FGFR1OP2: variants seen among roughly 807,000 people sequenced by gnomAD.
FGFR1OP2 encodes the protein FGFR1 oncogene partner 2.
A neutral mutation model predicts 35.2 loss-of-function variants in FGFR1OP2; 17 were observed. That is an observed-to-expected ratio of 0.48 (90% confidence interval 0.33 to 0.73). The LOEUF is 0.73. FGFR1OP2 is among the 30% of genes least tolerant of loss of function. The pLI is 0.02. For synonymous variants in FGFR1OP2, 105 were observed against 104.6 expected, an observed-to-expected ratio of 1.00 and a Z score of -0.03; for missense variants, 251 against 307.3, an observed-to-expected ratio of 0.82 and a Z score of 1.37.
Position 26,966,107 on chromosome 12 carries a change from A to C in FGFR1OP2, c.*1374A>C, listed in dbSNP as rs968211017. The C allele has an allele frequency of 2.6e-5, 4 of 152,042 alleles. No individual in the cohort carries two copies. The East Asian group carries it at 7.7e-4, about 29-fold the overall frequency. The allele number at this position is 152,042 out of a possible 1,614,324, so 9.4% of individuals were successfully genotyped here. A position where few individuals can be genotyped will look rare whatever the true frequency, so the allele number is the denominator to read the frequency against. The stretch of plus-strand genomic sequence containing the variant: ...TTGGTAAAATTCAAAACTACACTTG[A>C]GAATTTTTTTATCTTAAGTTTGGGG... On this transcript the variant is annotated 3_prime_UTR_variant, in exon 7 of 7. Transcript: ENST00000229395.
intron 4 of FGFR1OP2, 96 bp downstream of exon 4, chr12:26,957,839 T>A: frequency 9.8e-7 from 1 of 1,024,212 alleles, no homozygotes; most frequent in South Asian, 2.4e-5. Context: ...AGGTATCTAG[T>A]AATGGCATTT....
chr12:26,944,662 G>T (rs1938793088), intron 1 of FGFR1OP2, among the ~76,000 whole-genome samples: 1 of 152,140 alleles, frequency 6.6e-6, no homozygotes, highest in Non-Finnish European at 1.5e-5. Flanking sequence ...AAGGATATTA[G>T]TCTGTGGTTT....
intron 1 of FGFR1OP2, among the ~76,000 whole-genome samples, chr12:26,939,396 C>G (rs1036063901): frequency 2.6e-5 from 4 of 152,108 alleles, no homozygotes; most frequent in Admixed American, 6.6e-5. Context: ...GCATCAAATC[C>G]TAATTGTTAA....
intron 1 of FGFR1OP2, among the ~76,000 whole-genome samples, chr12:26,952,605 A>G (rs1938950242): frequency 6.6e-6 from 1 of 151,936 alleles, no homozygotes; most frequent in Non-Finnish European, 1.5e-5. Flanking sequence ...GTCTTCTGAA[A>G]TTGCCTGATG....
chr12:26,963,776 G>C (rs1939136466), intron 6 of FGFR1OP2, among the ~76,000 whole-genome samples: 1 of 151,996 alleles, frequency 6.6e-6, no homozygotes, highest in Non-Finnish European at 1.5e-5. Context: ...GTGATACAGG[G>C]AAATTTTTTT....
intron 1 of FGFR1OP2, among the ~76,000 whole-genome samples, chr12:26,953,287 A>C (rs1289266853): frequency 1.4e-5 from 2 of 146,808 alleles, no homozygotes; most frequent in Admixed American, 1.4e-4. Context: ...AAAAAAAAAA[A>C]AAGGAAGATA....
chr12:26,959,749 A>G (rs1379633072), intron 4 of FGFR1OP2, among the ~76,000 whole-genome samples: 1 of 152,132 alleles, frequency 6.6e-6, no homozygotes, highest in Non-Finnish European at 1.5e-5. Flanking sequence ...AATTTTCACT[A>G]ATACATATTA....
intron 5 of FGFR1OP2, chr12:26,962,529 C>A (rs146549285): frequency 1.8e-4 from 28 of 152,214 alleles, no homozygotes; most frequent in African/African-American, 6.7e-4. Context: ...TCTCGAGTTT[C>A]TGTTGATTTT....
chr12:26,965,966 T>C lies in FGFR1OP2; in HGVS notation c.*1233T>C, dbSNP rs1565853695. 1 of 152,086 alleles carries C rather than the reference T, an allele frequency of 6.6e-6. No homozygotes were observed. The highest frequency in any genetic ancestry group is 2.4e-5 in the African/African-American group (1 of 41,456). 9.4% of individuals were successfully genotyped at this position (152,086 alleles called of 1,614,324 possible). Reference sequence around the variant, plus strand: ...AGAGTGTCAAACATGGTTAAATATATTGTACTCATTTATGTTGAATACGTA... The same window carrying C: ...AGAGTGTCAAACATGGTTAAATATACTGTACTCATTTATGTTGAATACGTA... On this transcript the variant is annotated 3_prime_UTR_variant, in exon 7 of 7. Transcript: ENST00000229395.
At chr12:26,955,680 G>C (rs1019752177) in intron 2 of FGFR1OP2, among the ~76,000 whole-genome samples, 29 of 152,176 alleles carry the variant, frequency 1.9e-4, no homozygotes, top group Admixed American at 1.5e-3. Flanking sequence ...AAATAATATT[G>C]CATTGTAAGG....
At chr12:26,964,490 CTTGT>C (rs1371063503) in intron 6 of FGFR1OP2, 102 bp from the exon 7 acceptor site, 31 of 1,262,558 alleles carry the variant, frequency 2.5e-5, no homozygotes, top group South Asian at 2.2e-4. Context: ...ACAGACCTTG[CTTGT>C]TTGTTATACC....
intron 1 of FGFR1OP2, among the ~76,000 whole-genome samples, chr12:26,951,323 A>G (rs1220712092): frequency 6.6e-6 from 1 of 150,864 alleles, no homozygotes; most frequent in Non-Finnish European, 1.5e-5. Context: ...TAATTTTTGT[A>G]TTTATTTATT....
chr12:26,945,980 A>ATG (rs761606406), intron 1 of FGFR1OP2, among the ~76,000 whole-genome samples: 1 of 152,200 alleles, frequency 6.6e-6, no homozygotes, highest in East Asian at 1.9e-4. Context: ...CTTAAAAAGA[A>ATG]TGTGTACTCT....
intron 1 of FGFR1OP2, among the ~76,000 whole-genome samples, chr12:26,950,831 T>G (rs1054114345): frequency 1.3e-5 from 2 of 152,216 alleles, no homozygotes; most frequent in Non-Finnish European, 2.9e-5. Context: ...TTCAAAAGTT[T>G]TGTTTTGGAC....
intron 3 of FGFR1OP2, 126 bp from the exon 4 acceptor site, chr12:26,957,475 A>C: frequency 2.6e-6 from 2 of 764,638 alleles, no homozygotes; most frequent in Non-Finnish European, 4.2e-6. Context: ...TTATTGTTAT[A>C]TGGCTAGATT....
intron 5 of FGFR1OP2, chr12:26,960,917 T>C (rs1446829998): frequency 5.0e-6 from 1 of 200,336 alleles, no homozygotes; most frequent in Non-Finnish European, 9.9e-6. Context: ...TGTGAAACAG[T>C]CATTTCCTTT....
intron 2 of FGFR1OP2, 51 bp downstream of exon 2, chr12:26,954,344 A>C: frequency 1.3e-6 from 2 of 1,541,540 alleles, no homozygotes; most frequent in Non-Finnish European, 1.8e-6. Flanking sequence ...AGTCATTGAC[A>C]TTTATGTATT....
chr12:26,966,064 T>C lies in FGFR1OP2; in HGVS notation c.*1331T>C, dbSNP rs1939173429. ...TAAATATTACTTTATATGGTAATTT[T>C]ATGTATAATTTCATATATTGGTAAA... On this transcript the variant is annotated 3_prime_UTR_variant, in exon 7 of 7. Coordinates refer to ENST00000229395, the MANE Select transcript of FGFR1OP2 (RefSeq NM_015633.3). The C allele has an allele frequency of 1.3e-5, 2 of 152,104 alleles. No individual in the cohort carries two copies. The highest frequency in any genetic ancestry group is 4.1e-4 in the South Asian group (2 of 4,836). 9.4% of individuals were successfully genotyped at this position (152,104 alleles called of 1,614,324 possible).
At chr12:26,946,708 G>A (rs558744147) in intron 1 of FGFR1OP2, among the ~76,000 whole-genome samples, 3 of 152,150 alleles carry the variant, frequency 2.0e-5, no homozygotes, top group African/African-American at 7.2e-5. Context: ...CCTATTTAAA[G>A]TGTACACTTT....
Sources: allele counts gnomAD v4.1 joint callset (sites outside exome capture counted in the v4.1 genomes callset), GRCh38; gene constraint gnomAD v4.1.1; transcripts MANE v1.5; gene names NCBI Gene and HGNC (gene_info 2026-07-23, HGNC 2026-07-21).